EPB41L5: variants seen among roughly 807,000 people sequenced by gnomAD.
The protein encoded by EPB41L5 is band 4.1-like protein 5.
A neutral mutation model predicts 106.6 loss-of-function variants in EPB41L5; 55 were observed. The observed-to-expected ratio is 0.52, with a 90% confidence interval of 0.42 to 0.65. EPB41L5 has a LOEUF of 0.65. Ranked by LOEUF, EPB41L5 falls within the 30% of genes least tolerant of loss-of-function variation. The pLI is 0.00. For synonymous variants in EPB41L5, 297 were observed against 306.7 expected, an observed-to-expected ratio of 0.97 and a Z score of 0.33; for missense variants, 871 against 882.1, an observed-to-expected ratio of 0.99 and a Z score of 0.16.
chr2:120,162,271 C>A (rs1574783272), intron 21 of EPB41L5, among the ~76,000 whole-genome samples: 1 of 152,316 alleles, frequency 6.6e-6, no homozygotes, highest in East Asian at 1.9e-4. Flanking sequence ...ACTCGCTAAA[C>A]CCTTAACAAT....
At chr2:120,099,043 A>G (rs1324420188) in intron 14 of EPB41L5, among the ~76,000 whole-genome samples, 1 of 152,194 alleles carries the variant, frequency 6.6e-6, no homozygotes, top group Non-Finnish European at 1.5e-5. Flanking sequence ...TTCTTTCCTT[A>G]TCCTTGAAGT....
chr2:120,034,176 G>T (rs927356823), intron 2 of EPB41L5, among the ~76,000 whole-genome samples: 3 of 152,206 alleles, frequency 2.0e-5, no homozygotes, highest in African/African-American at 7.2e-5. Flanking sequence ...ACTAGCATCT[G>T]TTAAGGAGGA....
chr2:120,114,403 T>C (rs1684858582), intron 16 of EPB41L5, among the ~76,000 whole-genome samples: 1 of 152,346 alleles, frequency 6.6e-6, no homozygotes. Context: ...TTGAACACTT[T>C]GTTTAAAAAT....
At chr2:120,048,478 T>C (rs1679983301) in intron 3 of EPB41L5, among the ~76,000 whole-genome samples, 1 of 152,188 alleles carries the variant, frequency 6.6e-6, no homozygotes, top group Admixed American at 6.5e-5. Context: ...TGATGGTAGT[T>C]TGTATTTCTG....
chr2:120,104,734 T>A, intron 16 of EPB41L5: 1 of 920,246 alleles, frequency 1.1e-6, no homozygotes, highest in Non-Finnish European at 1.3e-6. Context: ...GACACATACC[T>A]TAATTTAAGT....
chr2:120,114,703 T>A (rs946020705), intron 16 of EPB41L5, among the ~76,000 whole-genome samples: 1 of 152,224 alleles, frequency 6.6e-6, no homozygotes, highest in African/African-American at 2.4e-5. Flanking sequence ...AAAATTTTTT[T>A]ATTCTGTGCA....
rs745337085 is a variant in EPB41L5, at chr2:120,175,006, T to TA, written c.*106dup. 7.5e-5 allele frequency: 88 copies of TA among 1,172,468 alleles called. No individual in the cohort carries two copies. Among genetic ancestry groups the TA allele is most frequent in the Admixed American group, 1.9e-4 (11 of 57,076 alleles). 72.6% of individuals were successfully genotyped at this position (1,172,468 alleles called of 1,614,324 possible). A position where few individuals can be genotyped will look rare whatever the true frequency, so the allele number is the denominator to read the frequency against. ...CAGGAGCTTGTCCATTATTTGTAGG[T>TA]AAAAAAAGCTGCACGTAGATTTGAC... On this transcript the variant is annotated 3_prime_UTR_variant, in exon 25 of 25. Transcript: ENST00000263713.
At chr2:120,144,896 A>C (rs1686332959) in intron 19 of EPB41L5, among the ~76,000 whole-genome samples, 1 of 152,260 alleles carries the variant, frequency 6.6e-6, no homozygotes, top group African/African-American at 2.4e-5. Flanking sequence ...AAAAATACAT[A>C]AAATTGTCTC....
chr2:120,100,169 GTA>G lies in EPB41L5; in HGVS notation c.1179-73_1179-72del, dbSNP rs3835788. 564 of 1,049,350 alleles carry G rather than the reference GTA, an allele frequency of 5.4e-4. 4 individuals carry two copies. The East Asian group carries it at 0.013, about 25-fold the overall frequency. The allele number at this position is 1,049,350 out of a possible 1,614,324, so 65.0% of individuals were successfully genotyped here. ...TCTTTAAAATAAATATTTTATTAGTGTATGTGTTATCTTACAAAATGAAGTCC... is the reference window on the plus strand; with the variant it reads ...TCTTTAAAATAAATATTTTATTAGTGTGTGTTATCTTACAAAATGAAGTCC... On this transcript the variant is annotated intron_variant, in intron 14 of 24. Transcript: ENST00000263713.
chr2:120,076,192 A>T (rs899027532), intron 7 of EPB41L5, among the ~76,000 whole-genome samples: 3 of 151,824 alleles, frequency 2.0e-5, no homozygotes, highest in African/African-American at 7.3e-5. Flanking sequence ...TCTCCCCCCG[A>T]TTTTTTTTAG....
intron 3 of EPB41L5, among the ~76,000 whole-genome samples, chr2:120,057,410 A>G (rs901188136): frequency 2.6e-4 from 39 of 152,266 alleles, no homozygotes; most frequent in Non-Finnish European, 5.0e-4. Flanking sequence ...ACTTAGAGTT[A>G]TGAAATCTGT....
intron 10 of EPB41L5, among the ~76,000 whole-genome samples, chr2:120,084,283 T>C: frequency 6.6e-6 from 1 of 152,220 alleles, no homozygotes; most frequent in Non-Finnish European, 1.5e-5. Flanking sequence ...TTTCCGTGTT[T>C]AGTGCATCCT....
intron 16 of EPB41L5, among the ~76,000 whole-genome samples, chr2:120,127,428 T>C (rs1685504985): frequency 6.6e-6 from 1 of 152,228 alleles, no homozygotes; most frequent in South Asian, 2.1e-4. Flanking sequence ...CGTGTTTGCA[T>C]GTAACCTACA....
At chr2:120,033,664 C>T (rs889151630) in intron 2 of EPB41L5, among the ~76,000 whole-genome samples, 7 of 146,296 alleles carry the variant, frequency 4.8e-5, no homozygotes, top group East Asian at 2.0e-4. Context: ...GCTGAGACCA[C>T]GCCACTGCAC....
Position 120,075,742 on chromosome 2 carries a change from A to G in EPB41L5, c.494A>G (p.Tyr165Cys). 1 of 1,613,232 alleles carries G rather than the reference A, an allele frequency of 6.2e-7. No individual in the cohort carries two copies. Among genetic ancestry groups the G allele is most frequent in the South Asian group, 1.1e-5 (1 of 91,058 alleles). Residue 165 changes from tyrosine (Y) to cysteine (C), a missense_variant, in exon 7 of 25, where the codon TAT becomes TGT. Physicochemically the swap from Tyr to Cys is radical, Grantham distance 194. Transcript: ENST00000263713. The part of the protein sequence containing the change: ...PFDTAVQLAA[Y>C]NLQAELGDYD... ...GATACAGCAGTGCAATTGGCAGCTT[A>G]TAATCTGCAAGGTAAGCAATTCTTA...
intron 14 of EPB41L5, among the ~76,000 whole-genome samples, chr2:120,093,863 TATTA>T (rs1204227789): frequency 6.6e-6 from 1 of 152,220 alleles, no homozygotes; most frequent in African/African-American, 2.4e-5. Context: ...AAATAATGGG[TATTA>T]ATTATTTAAA....
intron 2 of EPB41L5, among the ~76,000 whole-genome samples, chr2:120,040,071 T>TA (rs1679304778): frequency 1.4e-5 from 2 of 146,576 alleles, no homozygotes; most frequent in African/African-American, 2.5e-5. Context: ...TCTGTGCTTT[T>TA]TATATATATA....
chr2:120,106,830 A>T, intron 16 of EPB41L5: 2 of 985,380 alleles, frequency 2.0e-6, no homozygotes, highest in Non-Finnish European at 2.4e-6. Context: ...TTGGAGTAAG[A>T]TCTAACATTT....
chr2:120,030,681 G>C (rs1027377730), intron 2 of EPB41L5, among the ~76,000 whole-genome samples: 2 of 151,536 alleles, frequency 1.3e-5, no homozygotes, highest in African/African-American at 4.9e-5. Context: ...AGCCTCCCGA[G>C]TAGCTAGGAT....
Sources: gnomAD v4.1 joint callset for allele counts (sites outside exome capture counted in the v4.1 genomes callset) on GRCh38, gnomAD v4.1.1 for gene constraint, MANE v1.5 for transcripts, NCBI Gene and HGNC (gene_info 2026-07-23, HGNC 2026-07-21) for gene names.